The following DDX10 variants were observed in gnomAD, a reference collection of about 807,000 sequenced individuals.
DDX10 encodes probable ATP-dependent RNA helicase DDX10.
A neutral mutation model predicts 104.3 loss-of-function variants in DDX10; 74 were observed. That is an observed-to-expected ratio of 0.71 (90% CI 0.59 to 0.86). The LOEUF is 0.86. Ranked by LOEUF, DDX10 falls within the 40% of genes least tolerant of loss-of-function variation. The pLI, the probability that DDX10 is intolerant of heterozygous loss-of-function variation, is 0.00. For missense variants in DDX10, 952 were observed against 1,040.0 expected (o/e 0.92, Z 1.16); for synonymous variants, 351 against 353.4 (o/e 0.99, Z 0.08).
At position 108,675,358 on chromosome 11, in the gene DDX10, G is replaced by A. The variant is rs146334744; in HGVS notation, c.248-238G>A. 7.9e-4 allele frequency among the ~76,000 whole-genome samples: 121 copies of A among 152,280 alleles called. 1 individual carries two copies. Among genetic ancestry groups the A allele is most frequent in the African/African-American group, 2.8e-3 (115 of 41,536 alleles). On this transcript the variant is annotated intron_variant, in intron 2 of 17. Transcript: ENST00000322536. ...CCCTCTGTGCATGTGGACCCTTGGT[G>A]TCTCTTTGTTCAAGTTTCTTCTCAT...
At chr11:108,834,264 C>T (rs1862516439) in intron 13 of DDX10, among the ~76,000 whole-genome samples, 1 of 146,946 alleles carries the variant, frequency 6.8e-6, no homozygotes, top group African/African-American at 2.5e-5. Context: ...ACCTACCTAC[C>T]ATATTTTCTT....
At position 108,817,987 on chromosome 11, in the gene DDX10, C is replaced by T. The variant is rs147378273; in HGVS notation, c.1966-20459C>T. ...TTATTTCAACAACTGTCCTGTGAAA[C>T]GCAAAATAGTGAATTTTATACAGCA... On this transcript the variant is annotated intron_variant, in intron 13 of 17. Transcript: ENST00000322536. 1.4e-4 allele frequency among the ~76,000 whole-genome samples: 21 copies of T among 152,266 alleles called. No homozygotes were observed. The South Asian group carries it at 1.9e-3, about 14-fold the overall frequency.
chr11:108,906,404 G>A (rs1863596831), intron 16 of DDX10, among the ~76,000 whole-genome samples: 1 of 152,176 alleles, frequency 6.6e-6, no homozygotes, highest in African/African-American at 2.4e-5. Flanking sequence ...TCTTTTCCCA[G>A]TGTGCACACA....
At chr11:108,690,408 AGATG>A (rs887527441) in intron 7 of DDX10, 1 of 152,832 alleles carries the variant, frequency 6.5e-6, no homozygotes, top group African/African-American at 2.4e-5. Flanking sequence ...CATGGGGCTG[AGATG>A]ATACCAGTGC....
intron 9 of DDX10, among the ~76,000 whole-genome samples, chr11:108,705,134 C>G (rs2094274053): frequency 6.6e-6 from 1 of 152,138 alleles, no homozygotes; most frequent in Non-Finnish European, 1.5e-5. Context: ...ACCTTTCTAG[C>G]AATCTTTCCT....
chr11:108,685,576 A>T (rs562328154), intron 6 of DDX10, among the ~76,000 whole-genome samples: 2 of 152,336 alleles, frequency 1.3e-5, no homozygotes, highest in South Asian at 4.1e-4. Flanking sequence ...TCCAGTTCTT[A>T]TAAAATCCTT....
intron 13 of DDX10, among the ~76,000 whole-genome samples, chr11:108,749,245 T>G (rs917627026): frequency 6.6e-6 from 1 of 151,932 alleles, no homozygotes; most frequent in African/African-American, 2.4e-5. Context: ...AAGGCTAGAG[T>G]GGTGATAGAA....
At chr11:108,893,281 G>A (rs1413623076) in intron 16 of DDX10, among the ~76,000 whole-genome samples, 1 of 151,732 alleles carries the variant, frequency 6.6e-6, no homozygotes, top group Non-Finnish European at 1.5e-5. Flanking sequence ...AGGGATATTT[G>A]GTTAAATTGT....
intron 13 of DDX10, among the ~76,000 whole-genome samples, chr11:108,819,753 C>G (rs1387116924): frequency 1.3e-5 from 2 of 152,088 alleles, no homozygotes; most frequent in Non-Finnish European, 2.9e-5. Context: ...TGCCTGCCAC[C>G]ACGCCCAGCT....
At chr11:108,849,607 T>C (rs1415673431) in intron 15 of DDX10, among the ~76,000 whole-genome samples, 1 of 152,146 alleles carries the variant, frequency 6.6e-6, no homozygotes, top group East Asian at 1.9e-4. Flanking sequence ...GTGAATTTGA[T>C]TTTCATTATT....
chr11:108,723,514 T>TTA, intron 13 of DDX10, 52 bp downstream of exon 13: 1 of 1,513,432 alleles, frequency 6.6e-7, no homozygotes, highest in Non-Finnish European at 8.8e-7. Flanking sequence ...TACTATGTGC[T>TTA]TATTGTTGCC....
At chr11:108,753,293 G>A (rs2094340801) in intron 13 of DDX10, among the ~76,000 whole-genome samples, 1 of 152,044 alleles carries the variant, frequency 6.6e-6, no homozygotes, top group Non-Finnish European at 1.5e-5. Flanking sequence ...CCACTGTTTT[G>A]TGATTTCACA....
At chr11:108,687,234 A>G (rs10789676) in intron 6 of DDX10, among the ~76,000 whole-genome samples, 71,492 of 152,146 alleles carry the variant, frequency 0.47, 19,831 homozygotes, top group Non-Finnish European at 0.61. Flanking sequence ...TTGGCCATCT[A>G]ATAAGTGTGA....
chr11:108,917,174 C>T (rs1863762397), intron 16 of DDX10, among the ~76,000 whole-genome samples: 1 of 151,048 alleles, frequency 6.6e-6, no homozygotes, highest in Admixed American at 6.6e-5. Context: ...ACGAGATCTT[C>T]CTGCCTCAGC....
intron 7 of DDX10, chr11:108,690,181 C>G (rs1356416157): frequency 3.9e-5 from 6 of 152,202 alleles, no homozygotes; most frequent in African/African-American, 1.2e-4. Flanking sequence ...AAACAATAAA[C>G]TTCACATCTC....
At chr11:108,831,100 C>G (rs909824636) in intron 13 of DDX10, among the ~76,000 whole-genome samples, 1 of 152,024 alleles carries the variant, frequency 6.6e-6, no homozygotes, top group Admixed American at 6.6e-5. Context: ...CAGTGTTTAT[C>G]AATCTTAAGA....
intron 13 of DDX10, among the ~76,000 whole-genome samples, chr11:108,824,905 T>C (rs1236890755): frequency 6.6e-6 from 1 of 152,070 alleles, no homozygotes; most frequent in African/African-American, 2.4e-5. Flanking sequence ...AGGTAGTAAA[T>C]AGGGAATTAT....
chr11:108,761,288 A>G (rs1591811549), intron 13 of DDX10, among the ~76,000 whole-genome samples: 1 of 152,126 alleles, frequency 6.6e-6, no homozygotes. Context: ...TCTGTTTTAA[A>G]TGTTAGAAAA....
intron 13 of DDX10, among the ~76,000 whole-genome samples, chr11:108,759,076 A>G (rs1056194598): frequency 6.6e-6 from 1 of 152,086 alleles, no homozygotes; most frequent in Non-Finnish European, 1.5e-5. Context: ...TTATAGTACA[A>G]TCCATATGAT....
Sources: gnomAD v4.1 joint callset for allele counts (sites outside exome capture counted in the v4.1 genomes callset) on GRCh38, gnomAD v4.1.1 for gene constraint, MANE v1.5 for transcripts, NCBI Gene and HGNC (gene_info 2026-07-23, HGNC 2026-07-21) for gene names.